NCKAP1L: variants seen among roughly 807,000 people sequenced by gnomAD.
NCKAP1L encodes NCK associated protein 1 like, also known as nck-associated protein 1-like.
In NCKAP1L, 53 loss-of-function variants were observed where a neutral mutation model predicts 139.2. The ratio of observed to expected loss-of-function variants is 0.38; its 90% CI spans 0.31 to 0.48. The LOEUF (loss-of-function observed/expected upper bound fraction) is 0.48, where lower values mean the gene tolerates loss of function less well. NCKAP1L is among the 20% of genes least tolerant of loss of function. The pLI, the probability that NCKAP1L is intolerant of heterozygous loss-of-function variation, is 0.98. For missense variants in NCKAP1L, 1,151 were observed against 1,381.9 expected (o/e 0.83, Z 2.65); for synonymous variants, 468 against 499.7 (o/e 0.94, Z 0.85).
intron 29 of NCKAP1L, 87 bp downstream of exon 29, chr12:54,537,140 A>C (rs1327952512): frequency 2.4e-6 from 2 of 847,096 alleles, no homozygotes; most frequent in Non-Finnish European, 3.8e-6. Flanking sequence ...ATCGTTGAAC[A>C]GGCTTTTGAG....
chr12:54,529,412 T>A (rs1055548384), intron 22 of NCKAP1L, among the ~76,000 whole-genome samples: 2 of 152,196 alleles, frequency 1.3e-5, no homozygotes, highest in Non-Finnish European at 2.9e-5. Context: ...TCATGAACTA[T>A]CCTACTTCTT....
intron 20 of NCKAP1L, among the ~76,000 whole-genome samples, chr12:54,524,277 G>A (rs1174992365): frequency 6.6e-6 from 1 of 152,186 alleles, no homozygotes; most frequent in Non-Finnish European, 1.5e-5. Flanking sequence ...AGACATTGGA[G>A]CAGATCGTCC....
intron 9 of NCKAP1L, among the ~76,000 whole-genome samples, chr12:54,514,702 T>C (rs1191885614): frequency 6.6e-6 from 1 of 152,220 alleles, no homozygotes; most frequent in Non-Finnish European, 1.5e-5. Flanking sequence ...TTTCAAATTT[T>C]AATAGCTCTT....
rs1340874467 is a variant in NCKAP1L, at chr12:54,542,960, G to A, written c.*275G>A. ...ATTTTACAATGAAAAAAGGAGTAAC[G>A]TACAAGTATATTTTCTATCTTCTGG... is the stretch of plus-strand genomic sequence containing the variant. On this transcript the variant is annotated 3_prime_UTR_variant, in exon 31 of 31. Transcript: ENST00000293373. 8.5e-6 allele frequency: 3 copies of A among 352,460 alleles called. No homozygotes were observed. The highest frequency in any genetic ancestry group is 2.1e-5 in the African/African-American group (1 of 48,496). 21.8% of individuals were successfully genotyped at this position (352,460 alleles called of 1,614,324 possible). A position where few individuals can be genotyped will look rare whatever the true frequency, so the allele number is the denominator to read the frequency against.
intron 3 of NCKAP1L, among the ~76,000 whole-genome samples, chr12:54,506,799 ATATAT>A (rs1565672931): frequency 7.6e-5 from 7 of 92,518 alleles, no homozygotes; most frequent in African/African-American, 2.6e-4. Flanking sequence ...AAAAAAAAAT[ATATAT>A]ATATATATAT....
chr12:54,535,825 T>C (rs1445567884), intron 27 of NCKAP1L, among the ~76,000 whole-genome samples: 1 of 152,140 alleles, frequency 6.6e-6, no homozygotes, highest in Non-Finnish European at 1.5e-5. Context: ...TGCCTCTCCA[T>C]CCTATCAGGC....
chr12:54,536,011 A>G, intron 27 of NCKAP1L, 118 bp from the exon 28 acceptor site: 1 of 729,558 alleles, frequency 1.4e-6, no homozygotes, highest in South Asian at 1.6e-5. Flanking sequence ...AAGTGTTTTC[A>G]TGGATATTTT....
Position 54,542,909 on chromosome 12 carries a change from G to A in NCKAP1L, c.*224G>A, listed in dbSNP as rs887681468. The A allele has an allele frequency of 2.1e-6, 1 of 474,354 alleles. No individual in the cohort carries two copies. 29.4% of individuals were successfully genotyped at this position (474,354 alleles called of 1,614,324 possible). ...GCATGGAGGACAGCTTATGGAAAAA[G>A]TTAGGGCGTGGGGCCACATGTGTGA... On this transcript the variant is annotated 3_prime_UTR_variant, in exon 31 of 31. Coordinates refer to ENST00000293373, the MANE Select transcript of NCKAP1L (RefSeq NM_005337.5).
intron 16 of NCKAP1L, among the ~76,000 whole-genome samples, chr12:54,520,484 T>C (rs552333013): frequency 9.0e-4 from 137 of 152,322 alleles, no homozygotes; most frequent in African/African-American, 3.2e-3. Flanking sequence ...CTGGAAGGAT[T>C]AAGTTTCTTG....
At chr12:54,521,770 T>A (rs1956984987) in intron 18 of NCKAP1L, among the ~76,000 whole-genome samples, 1 of 152,144 alleles carries the variant, frequency 6.6e-6, no homozygotes, top group Non-Finnish European at 1.5e-5. Context: ...CAACCTAAAT[T>A]TCAGAAAATT....
Position 54,508,412 on chromosome 12 carries a change from G to A in NCKAP1L, c.387G>A (p.Arg129=), listed in dbSNP as rs1020066912. The change falls in exon 5 of 31, where the codon CGG becomes CGA. Residue 129 remains arginine, a synonymous_variant. Coordinates refer to ENST00000293373, the MANE Select transcript of NCKAP1L (RefSeq NM_005337.5). ...FDINLNFDFT[R]SYLDLIVTYT... The stretch of plus-strand genomic sequence containing the variant: ...AGAATCTCAACTTTGATTTCACTCG[G>A]AGTTACCTGGACTTGATTGTAACTT... 6.2e-7 allele frequency: 1 copy of A among 1,614,044 alleles called. No individual in the cohort carries two copies. The highest frequency in any genetic ancestry group is 8.5e-7 in the Non-Finnish European group (1 of 1,179,944).
chr12:54,498,662 A>G (rs1956770217), intron 1 of NCKAP1L: 1 of 349,146 alleles, frequency 2.9e-6, no homozygotes, highest in Non-Finnish European at 4.0e-6. Context: ...CCTTTGGGAT[A>G]AGATACTTAC....
rs545055518 is a variant in NCKAP1L, at chr12:54,529,930, G to A, written c.2507-1330G>A. 4.6e-5 allele frequency among the ~76,000 whole-genome samples: 7 copies of A among 152,320 alleles called. No individual in the cohort carries two copies. The South Asian group carries it at 1.5e-3, about 32-fold the overall frequency. On this transcript the variant is annotated intron_variant, in intron 22 of 30. Coordinates refer to ENST00000293373, the MANE Select transcript of NCKAP1L (RefSeq NM_005337.5). ...GTGTCTCCTTTCTGTCAGCTACAGAGGGCGATTCAGCTCTTCTTCCTCTCT... is the reference window on the plus strand; with the variant it reads ...GTGTCTCCTTTCTGTCAGCTACAGAAGGCGATTCAGCTCTTCTTCCTCTCT...
intron 30 of NCKAP1L, among the ~76,000 whole-genome samples, chr12:54,539,902 A>G (rs1470750453): frequency 6.6e-6 from 1 of 152,186 alleles, no homozygotes; most frequent in African/African-American, 2.4e-5. Flanking sequence ...ACTGGTGGAT[A>G]TACCTCTAGT....
At chr12:54,536,343 T>C in intron 28 of NCKAP1L, 98 bp downstream of exon 28, 1 of 910,368 alleles carries the variant, frequency 1.1e-6, no homozygotes, top group Non-Finnish European at 1.8e-6. Context: ...GACTTCTGAC[T>C]TGGGTGTAAA....
intron 18 of NCKAP1L, among the ~76,000 whole-genome samples, 170 bp from the exon 19 acceptor site, chr12:54,523,224 G>C (rs1317860262): frequency 1.3e-5 from 2 of 152,148 alleles, no homozygotes; most frequent in Non-Finnish European, 2.9e-5. Context: ...AAAGAGGTGA[G>C]CACATTCTGA....
chr12:54,523,915 T>A lies in NCKAP1L; in HGVS notation c.2115T>A (p.Pro705=). The A allele has an allele frequency of 6.2e-7, 1 of 1,614,172 alleles. No homozygotes were observed. The highest frequency in any genetic ancestry group is 8.5e-7 in the Non-Finnish European group (1 of 1,180,010). Residue 705 remains proline (P), a synonymous_variant, in exon 20 of 31, where the codon CCT becomes CCA. Transcript: ENST00000293373. ...SFSVFEHTIF[P]SEYLSSHLEA... ...CCGTGTTTGAACATACTATCTTCCCTTCTGAGTACCTCAGCAGCCACCTGG... is the reference window on the plus strand; with the variant it reads ...CCGTGTTTGAACATACTATCTTCCCATCTGAGTACCTCAGCAGCCACCTGG...
chr12:54,517,760 A>G (rs759526866), intron 12 of NCKAP1L, 46 bp from the exon 13 acceptor site: 2 of 1,610,496 alleles, frequency 1.2e-6, no homozygotes, highest in Non-Finnish European at 1.7e-6. Context: ...GTCTCAGTTC[A>G]TATTTCTAGT....
In NCKAP1L at chr12:54,528,386, A is replaced by G; in HGVS notation, c.2506+9A>G. 7 of 1,612,796 alleles carry G rather than the reference A, an allele frequency of 4.3e-6. No homozygotes were observed. The highest frequency in any genetic ancestry group is 2.2e-5 in the East Asian group (1 of 44,836). Reference sequence around the variant, plus strand: ...GTTCTCTGACATCTCTGGTGAGCTCAGGGCCTGGTCTTCTTGTCAAGGAGC... The same window carrying G: ...GTTCTCTGACATCTCTGGTGAGCTCGGGGCCTGGTCTTCTTGTCAAGGAGC... On this transcript the variant is annotated intron_variant, in intron 22 of 30. Coordinates refer to ENST00000293373, the MANE Select transcript of NCKAP1L (RefSeq NM_005337.5).
Sources: allele counts gnomAD v4.1 joint callset (sites outside exome capture counted in the v4.1 genomes callset), GRCh38; gene constraint gnomAD v4.1.1; transcripts MANE v1.5; gene names NCBI Gene and HGNC (gene_info 2026-07-23, HGNC 2026-07-21).